TENT2: variants seen among roughly 807,000 people sequenced by gnomAD.
TENT2 encodes terminal nucleotidyltransferase 2.
TENT2 carries 44 observed loss-of-function variants against 72.2 expected under a neutral mutation model. The ratio of observed to expected loss-of-function variants is 0.61; its 90% CI spans 0.48 to 0.78. The LOEUF (loss-of-function observed/expected upper bound fraction) is 0.78, where lower values mean the gene tolerates loss of function less well. TENT2 is among the 30% of genes least tolerant of loss of function. The pLI, the probability that TENT2 is intolerant of heterozygous loss-of-function variation, is 0.00. For synonymous variants in TENT2, 212 were observed against 192.5 expected (o/e 1.10, Z -0.84); for missense variants, 541 against 569.6 (o/e 0.95, Z 0.51).
chr5:79,641,513 GAA>G (rs1244877072), intron 6 of TENT2, among the ~76,000 whole-genome samples: 8 of 151,182 alleles, frequency 5.3e-5, no homozygotes, highest in Non-Finnish European at 1.0e-4. Context: ...ATGCAGCAAA[GAA>G]GAGTATGTGG....
chr5:79,668,818 G>C (rs1810561371), intron 11 of TENT2, 74 bp from the exon 12 acceptor site: 8 of 1,473,746 alleles, frequency 5.4e-6, no homozygotes, highest in Non-Finnish European at 7.3e-6. Flanking sequence ...GAGGAGCCTA[G>C]TTCAGGATTT....
chr5:79,673,825 C>T (rs1814967414), intron 12 of TENT2, among the ~76,000 whole-genome samples: 1 of 151,586 alleles, frequency 6.6e-6, no homozygotes, highest in Admixed American at 6.6e-5. Context: ...TGGGAGTTGT[C>T]ACCAGGTAGA....
At chr5:79,659,147 T>A (rs1193611693) in intron 11 of TENT2, among the ~76,000 whole-genome samples, 1 of 152,048 alleles carries the variant, frequency 6.6e-6, no homozygotes, top group African/African-American at 2.4e-5. Flanking sequence ...TCACACAAGA[T>A]TTTTTGTTTT....
chr5:79,652,648 A>G (rs142153167), intron 10 of TENT2, among the ~76,000 whole-genome samples: 11 of 152,238 alleles, frequency 7.2e-5, no homozygotes, highest in Non-Finnish European at 1.3e-4. Flanking sequence ...ATGTTAAAGT[A>G]GTTCAGGCTA....
intron 10 of TENT2, among the ~76,000 whole-genome samples, chr5:79,649,874 A>G (rs1264375805): frequency 6.6e-6 from 1 of 152,186 alleles, no homozygotes; most frequent in Non-Finnish European, 1.5e-5. Flanking sequence ...TCTCAAAAAT[A>G]TCTTACATAT....
rs375578368 is a variant in TENT2 at position 79,678,986 on chromosome 5, A to T, written c.1209-593A>T. ...AGTGGCATGACCTCTGCTCACTGCA[A>T]CCTCCGCCTCCTGGGTTCAAGCGAT... On this transcript the variant is annotated intron_variant, in intron 12 of 14. Transcript: ENST00000453514. Among the ~76,000 whole-genome samples, 66 of 152,020 alleles carry T rather than the reference A, an allele frequency of 4.3e-4. 1 individual carries two copies. The South Asian group carries it at 0.013, about 30-fold the overall frequency.
chr5:79,624,868 T>C (rs1286546474), intron 4 of TENT2, among the ~76,000 whole-genome samples: 1 of 152,362 alleles, frequency 6.6e-6, no homozygotes, highest in South Asian at 2.1e-4. Context: ...GCTATAAATA[T>C]CTGTGTACAG....
intron 4 of TENT2, among the ~76,000 whole-genome samples, chr5:79,634,278 G>T (rs181250524): frequency 6.6e-6 from 1 of 152,112 alleles, no homozygotes; most frequent in East Asian, 1.9e-4. Context: ...TTGAGGACAA[G>T]TTACAATATT....
intron 12 of TENT2, 93 bp downstream of exon 12, chr5:79,669,121 A>C: frequency 7.1e-7 from 1 of 1,404,902 alleles, no homozygotes; most frequent in Non-Finnish European, 9.6e-7. Context: ...AGTAAATGCT[A>C]CAGATTTAGT....
intron 12 of TENT2, among the ~76,000 whole-genome samples, chr5:79,676,273 A>G (rs1817242751): frequency 6.6e-6 from 1 of 151,872 alleles, no homozygotes; most frequent in South Asian, 2.1e-4. Flanking sequence ...TTTCCAGTTT[A>G]ATCAGTTGCC....
At chr5:79,663,961 C>T (rs1436783781) in intron 11 of TENT2, among the ~76,000 whole-genome samples, 1 of 151,972 alleles carries the variant, frequency 6.6e-6, no homozygotes, top group Admixed American at 6.6e-5. Flanking sequence ...ATTCAACCGA[C>T]TACACATCAA....
At chr5:79,663,795 G>C (rs1442367249) in intron 11 of TENT2, among the ~76,000 whole-genome samples, 2 of 152,084 alleles carry the variant, frequency 1.3e-5, no homozygotes, top group African/African-American at 2.4e-5. Context: ...TGGAAAAATG[G>C]CACTGCTGAT....
chr5:79,683,637 C>T (rs945774333), intron 14 of TENT2, among the ~76,000 whole-genome samples: 10 of 151,958 alleles, frequency 6.6e-5, no homozygotes, highest in African/African-American at 2.4e-4. Flanking sequence ...TAATTTTGGC[C>T]GGGCGCGGTG....
chr5:79,642,206 G>A (rs1290981683), intron 6 of TENT2, among the ~76,000 whole-genome samples: 6 of 151,780 alleles, frequency 4.0e-5, no homozygotes, highest in East Asian at 1.9e-4. Context: ...TTCCACTAGC[G>A]AAAATGACTT....
chr5:79,637,933 G>T, intron 4 of TENT2, among the ~76,000 whole-genome samples: 1 of 151,894 alleles, frequency 6.6e-6, no homozygotes, highest in Non-Finnish European at 1.5e-5. Flanking sequence ...AAATAGCTGG[G>T]ACTACAGGCA....
At chr5:79,648,281 C>G (rs1054607296) in intron 8 of TENT2, among the ~76,000 whole-genome samples, 89 of 151,704 alleles carry the variant, frequency 5.9e-4, no homozygotes, top group African/African-American at 2.1e-3. Flanking sequence ...GCACTCCAGC[C>G]TAGGCCACAG....
At chr5:79,648,737 T>A in intron 9 of TENT2, 44 bp downstream of exon 9, 16 of 1,401,188 alleles carry the variant, frequency 1.1e-5, no homozygotes, top group Non-Finnish European at 1.6e-5. Flanking sequence ...TTTTTTTCTT[T>A]ATTCATTTTT....
At chr5:79,666,522 A>G (rs916321307) in intron 11 of TENT2, among the ~76,000 whole-genome samples, 7 of 150,914 alleles carry the variant, frequency 4.6e-5, no homozygotes, top group Admixed American at 2.0e-4. Flanking sequence ...TAATCTTTCT[A>G]TTTTTTTTAG....
intron 12 of TENT2, among the ~76,000 whole-genome samples, chr5:79,670,074 C>T (rs1459139032): frequency 1.3e-5 from 2 of 151,704 alleles, no homozygotes; most frequent in Non-Finnish European, 2.9e-5. Flanking sequence ...ACAAAATTAG[C>T]TGGGCATGGT....
Sources: gnomAD v4.1 joint callset for allele counts (sites outside exome capture counted in the v4.1 genomes callset) on GRCh38, gnomAD v4.1.1 for gene constraint, MANE v1.5 for transcripts, NCBI Gene and HGNC (gene_info 2026-07-23, HGNC 2026-07-21) for gene names.